TMEM87B: variants seen among roughly 807,000 people sequenced by gnomAD.
TMEM87B encodes the protein transmembrane protein 87B.
A neutral mutation model predicts 80.3 loss-of-function variants in TMEM87B; 83 were observed. The observed-to-expected ratio is 1.03, with a 90% CI of 0.87 to 1.24. The LOEUF is 1.24. Among genes scored for constraint, TMEM87B ranks in the 50% most tolerant of loss-of-function variants. The pLI is 0.00. For missense variants in TMEM87B, 625 were observed against 674.4 expected (o/e 0.93, Z 0.81); for synonymous variants, 219 against 230.5 (o/e 0.95, Z 0.45).
intron 17 of TMEM87B, among the ~76,000 whole-genome samples, chr2:112,112,674 C>T (rs1011297680): frequency 3.3e-5 from 5 of 152,164 alleles, no homozygotes; most frequent in Non-Finnish European, 5.9e-5. Context: ...CTGAATAACC[C>T]GCAATTTACC....
rs374997473 is a variant in TMEM87B, at chr2:112,077,183, C to T, written c.502-9C>T. 1.3e-6 allele frequency: 2 copies of T among 1,530,224 alleles called. No homozygotes were observed. Among genetic ancestry groups the T allele is most frequent in the Admixed American group, 2.0e-5 (1 of 51,092 alleles). 94.8% of individuals were successfully genotyped at this position (1,530,224 alleles called of 1,614,324 possible). On this transcript the variant is annotated splice_polypyrimidine_tract_variant and intron_variant, in intron 5 of 18. Coordinates refer to ENST00000283206, the MANE Select transcript of TMEM87B (RefSeq NM_032824.3). ...AAATAATGAAGAATTTTTTTCACCT[C>T]TATTTCAGGATGTTGTAGCCAGAAC...
Position 112,084,003 on chromosome 2 carries a change from CA to C in TMEM87B, c.839-1997del, listed in dbSNP as rs577758066. ...GAACTTAGGTTTGGAGTACAAATTG[CA>C]AAAATACCAATGGAAAAGTTTTAAA... On this transcript the variant is annotated intron_variant, in intron 8 of 18. Transcript: ENST00000283206. Among the ~76,000 whole-genome samples, 253 of 152,168 alleles carry C rather than the reference CA, an allele frequency of 1.7e-3. 1 individual carries two copies. Among genetic ancestry groups the C allele is most frequent in the African/African-American group, 5.8e-3 (240 of 41,512 alleles).
chr2:112,098,196 T>G (rs1253911011), intron 13 of TMEM87B, among the ~76,000 whole-genome samples: 1 of 152,120 alleles, frequency 6.6e-6, no homozygotes, highest in African/African-American at 2.4e-5. Flanking sequence ...TTGTTGAGAT[T>G]TGGAGCTAGT....
chr2:112,057,337 A>G (rs1335655344), intron 1 of TMEM87B, among the ~76,000 whole-genome samples: 1 of 152,230 alleles, frequency 6.6e-6, no homozygotes, highest in African/African-American at 2.4e-5. Flanking sequence ...GCAGTGGCAC[A>G]GTCATATGGC....
intron 17 of TMEM87B, among the ~76,000 whole-genome samples, chr2:112,111,560 C>T (rs1274728334): frequency 6.6e-6 from 1 of 152,156 alleles, no homozygotes; most frequent in Non-Finnish European, 1.5e-5. Flanking sequence ...TTCTTGGGAA[C>T]CTTTGCTTCT....
chr2:112,056,088 C>T (rs1678048594), intron 1 of TMEM87B, among the ~76,000 whole-genome samples: 1 of 152,156 alleles, frequency 6.6e-6, no homozygotes, highest in Admixed American at 6.5e-5. Context: ...AATCTCTCGG[C>T]ACATCTAGCA....
rs1678014391 is a variant in TMEM87B at position 112,055,531 on chromosome 2, G to A, written c.-61G>A. 2.8e-6 allele frequency: 4 copies of A among 1,441,180 alleles called. No individual in the cohort carries two copies. In the African/African-American group the frequency reaches 6.0e-5, roughly 21 times the overall value. The allele number at this position is 1,441,180 out of a possible 1,614,324, so 89.3% of individuals were successfully genotyped here. A position where few individuals can be genotyped will look rare whatever the true frequency, so the allele number is the denominator to read the frequency against. ...TTCGGACCCGCCTGCCTGGGGCGGTGCTGCACCAGGTGCGGGTGTGGCAGG... is the reference window on the plus strand; with the variant it reads ...TTCGGACCCGCCTGCCTGGGGCGGTACTGCACCAGGTGCGGGTGTGGCAGG... On this transcript the variant is annotated 5_prime_UTR_variant, in exon 1 of 19. Coordinates refer to ENST00000283206, the MANE Select transcript of TMEM87B (RefSeq NM_032824.3).
chr2:112,085,225 T>C (rs1237407009), intron 8 of TMEM87B, among the ~76,000 whole-genome samples: 1 of 152,244 alleles, frequency 6.6e-6, no homozygotes, highest in African/African-American at 2.4e-5. Context: ...CCAGCCTCTT[T>C]TCTTGACATC....
At chr2:112,109,664 CTTTTT>C (rs561752709) in intron 17 of TMEM87B, among the ~76,000 whole-genome samples, 1 of 46,342 alleles carries the variant, frequency 2.2e-5, no homozygotes, top group Non-Finnish European at 4.3e-5. Context: ...TAAGTATGGT[CTTTTT>C]TTTTTTTTTT....
intron 15 of TMEM87B, among the ~76,000 whole-genome samples, chr2:112,103,505 A>G (rs1679687633): frequency 6.6e-6 from 1 of 152,236 alleles, no homozygotes; most frequent in Non-Finnish European, 1.5e-5. Flanking sequence ...TGTAGTTACA[A>G]CATGGATGAA....
At chr2:112,110,901 T>C (rs1196078407) in intron 17 of TMEM87B, among the ~76,000 whole-genome samples, 1 of 152,216 alleles carries the variant, frequency 6.6e-6, no homozygotes, top group Admixed American at 6.5e-5. Context: ...TGCTGTGAAC[T>C]TCTTCCAAGT....
intron 5 of TMEM87B, among the ~76,000 whole-genome samples, chr2:112,075,956 C>G (rs1678799563): frequency 6.6e-6 from 1 of 152,238 alleles, no homozygotes; most frequent in Admixed American, 6.5e-5. Context: ...ACAAGCATTA[C>G]AGTGGGAAGT....
intron 3 of TMEM87B, 140 bp from the exon 4 acceptor site, chr2:112,066,796 T>C (rs1348213322): frequency 2.7e-6 from 2 of 747,276 alleles, no homozygotes; most frequent in African/African-American, 3.7e-5. Context: ...CAGTTTTTAT[T>C]TGGTATTTTA....
At chr2:112,070,267 G>A (rs529329033) in intron 4 of TMEM87B, among the ~76,000 whole-genome samples, 1 of 152,220 alleles carries the variant, frequency 6.6e-6, no homozygotes, top group African/African-American at 2.4e-5. Flanking sequence ...GTCCAGAATG[G>A]TATGGTCTAG....
In TMEM87B at chr2:112,071,495, C is replaced by T. The variant is rs1053567899; in HGVS notation, c.451-3417C>T. ...TTTTGAATTTTTTTTTTAGTAGAGACGGGGTTTCACCATGTTGGCCAGGCT... is the reference window on the plus strand; with the variant it reads ...TTTTGAATTTTTTTTTTAGTAGAGATGGGGTTTCACCATGTTGGCCAGGCT... On this transcript the variant is annotated intron_variant, in intron 4 of 18. Coordinates refer to ENST00000283206, the MANE Select transcript of TMEM87B (RefSeq NM_032824.3). Among the ~76,000 whole-genome samples, 14 of 151,816 alleles carry T rather than the reference C, an allele frequency of 9.2e-5. 1 individual carries two copies. Among genetic ancestry groups the T allele is most frequent in the Middle Eastern group, 3.4e-3 (1 of 294 alleles).
At chr2:112,070,574 A>C (rs1416358781) in intron 4 of TMEM87B, among the ~76,000 whole-genome samples, 1 of 152,226 alleles carries the variant, frequency 6.6e-6, no homozygotes, top group East Asian at 1.9e-4. Flanking sequence ...TTTGGTTACT[A>C]TAGCCCTGTG....
chr2:112,097,380 G>T, intron 13 of TMEM87B, 89 bp downstream of exon 13: 1 of 1,120,838 alleles, frequency 8.9e-7, no homozygotes, highest in South Asian at 1.5e-5. Flanking sequence ...TGCAAATAGA[G>T]GTGATTTTAA....
intron 1 of TMEM87B, among the ~76,000 whole-genome samples, chr2:112,058,461 C>G (rs550125274): frequency 3.4e-4 from 52 of 152,364 alleles, no homozygotes; most frequent in Non-Finnish European, 7.1e-4. Context: ...TCAGCTTACT[C>G]TGCATACATT....
chr2:112,100,760 A>T, intron 15 of TMEM87B, 65 bp downstream of exon 15: 1 of 1,031,330 alleles, frequency 9.7e-7, no homozygotes, highest in Non-Finnish European at 1.5e-6. Flanking sequence ...TTGTACCTTT[A>T]CCCGTGATGC....
Sources: allele counts gnomAD v4.1 joint callset (sites outside exome capture counted in the v4.1 genomes callset), GRCh38; gene constraint gnomAD v4.1.1; transcripts MANE v1.5; gene names NCBI Gene and HGNC (gene_info 2026-07-23, HGNC 2026-07-21).